ZNF534: variants seen among roughly 807,000 people sequenced by gnomAD.
ZNF534 encodes the protein KRAB domain only 3.
In ZNF534, 19 loss-of-function variants were observed where a neutral mutation model predicts 13.6. The observed-to-expected ratio is 1.40, with a 90% CI of 0.97 to 2.05. The LOEUF is 2.05. ZNF534 is among the 30% of genes most tolerant of loss of function. The probability of loss-of-function intolerance (pLI) is 0.00; values close to 1 mark genes in which losing one functional copy is unlikely to be tolerated. For missense variants in ZNF534, 782 were observed against 796.3 expected (o/e 0.98, Z 0.22); for synonymous variants, 244 against 273.8 (o/e 0.89, Z 1.07).
At chr19:52,451,550 A>G (rs2059216846) in exon 5 of ZNF534, 2 of 603,804 alleles carry the variant, frequency 3.3e-6, no homozygotes, top group Non-Finnish European at 5.9e-6. Flanking sequence ...GGAGGGCGGC[A>G]TGCAGCTCCG....
At chr19:52,431,275 C>T (rs915995474) in intron 1 of ZNF534, 133 bp from the exon 2 acceptor site, 1 of 672,924 alleles carries the variant, frequency 1.5e-6, no homozygotes. Context: ...TGTTGATTTT[C>T]CTGTGGGAGA....
chr19:52,434,048 A>T lies in ZNF534; in HGVS notation c.109A>T (p.Met37Leu). The change falls in exon 3 of 5, where the codon ATG (methionine) becomes TTG (leucine). Residue 37 changes from methionine to leucine, a missense_variant. Physicochemically the swap from Met to Leu is conservative, Grantham distance 15. Around this residue, in one of 5 missense-constraint regions of ZNF534, gnomAD observed 81 missense variants for 63.5 expected, o/e 1.28. Transcript: ENST00000433050. ...PGQKALYRDV[M>L]LENYRNLVSL... ...GCAGAAAGCTTTATACAGGGACGTG[A>T]TGTTAGAGAACTACAGGAACCTGGT... 1 of 1,614,194 alleles carries T rather than the reference A, an allele frequency of 6.2e-7. No homozygotes were observed. The highest frequency in any genetic ancestry group is 8.5e-7 in the Non-Finnish European group (1 of 1,180,032).
rs1433582902 is a variant in ZNF534 at position 52,438,606 on chromosome 19, C to A, written c.1146C>A (p.Tyr382Ter). 1.9e-6 allele frequency: 3 copies of A among 1,589,278 alleles called. No individual in the cohort carries two copies. Among genetic ancestry groups the A allele is most frequent in the Non-Finnish European group, 2.6e-6 (3 of 1,166,508 alleles). ...AAGTTCATACTGGAGAGAAACCTTACAAATGTAATGAGTGTGGCAAGGTCT... is the reference window on the plus strand; with the variant it reads ...AAGTTCATACTGGAGAGAAACCTTAAAAATGTAATGAGTGTGGCAAGGTCT... ...HRKVHTGEKP[Y>*]KCNECGKVFI... is the part of the protein sequence containing the mutation. Residue 382 changes from tyrosine to a stop codon, truncating the protein, a stop_gained, in exon 5 of 5, where the codon TAC becomes TAA. Transcript: ENST00000433050. LOFTEE classifies it low-confidence loss of function (END_TRUNC).
chr19:52,436,104 T>A (rs1028384334), intron 4 of ZNF534, among the ~76,000 whole-genome samples: 1 of 151,272 alleles, frequency 6.6e-6, no homozygotes, highest in Non-Finnish European at 1.5e-5. Context: ...GCCTGGCTAA[T>A]TTTTTTTGTA....
At chr19:52,451,114 A>C (rs894816791) in intron 4 of ZNF534, 10 of 586,644 alleles carry the variant, frequency 1.7e-5, no homozygotes, top group Non-Finnish European at 3.0e-5. Flanking sequence ...CCACCCATAA[A>C]GATGGGTAGC....
chr19:52,449,351 T>G (rs1189788042), intron 4 of ZNF534, among the ~76,000 whole-genome samples: 3 of 69,026 alleles, frequency 4.3e-5, no homozygotes, highest in African/African-American at 1.7e-4. Context: ...ATTTCCATCC[T>G]CATTCTCTCT....
Position 52,441,474 on chromosome 19 carries a change from T to C in ZNF534, c.*2028T>C, listed in dbSNP as rs1237884781. ...AGGCTGCAGTGAGTCATGTTTGCAG[T>C]ACTGCACTCCAGCCTGGGTGACAGA... On this transcript the variant is annotated 3_prime_UTR_variant, in exon 5 of 5. Coordinates refer to ENST00000433050, the MANE Select transcript of ZNF534 (RefSeq NM_001143938.3). Among the ~76,000 whole-genome samples the C allele has an allele frequency of 1.9e-4, 29 of 152,172 alleles. No homozygotes were observed. The highest frequency in any genetic ancestry group is 8.8e-5 in the Non-Finnish European group (6 of 68,032).
chr19:52,451,439 C>A, exon 5 of ZNF534: 1 of 645,352 alleles, frequency 1.5e-6, no homozygotes, highest in East Asian at 2.9e-5. Context: ...AGTGCGGCGC[C>A]GCACGCCCCG....
rs758860769 is a variant in ZNF534, at chr19:52,437,862, T to C, written c.402T>C (p.His134=). The change falls in exon 5 of 5, where the codon CAT becomes CAC. Residue 134 remains histidine, a synonymous_variant. Coordinates refer to ENST00000433050, the MANE Select transcript of ZNF534 (RefSeq NM_001143938.3). ...QAVRNIYGCK[H]VEKSISDNSS... ...TAAGGAATATTTATGGATGTAAGCATGTTGAGAAATCTATCAGTGACAATT... is the reference window on the plus strand; with the variant it reads ...TAAGGAATATTTATGGATGTAAGCACGTTGAGAAATCTATCAGTGACAATT... 6.2e-7 allele frequency: 1 copy of C among 1,613,858 alleles called. No homozygotes were observed. The highest frequency in any genetic ancestry group is 8.5e-7 in the Non-Finnish European group (1 of 1,179,836).
At chr19:52,446,952 A>G (rs1346985191), downstream of ZNF534, among the ~76,000 whole-genome samples, 1 of 152,206 alleles carries the variant, frequency 6.6e-6, no homozygotes, top group East Asian at 1.9e-4. Flanking sequence ...TCTTGAGGAA[A>G]GAATTTGTTT....
chr19:52,452,070 A>AT (rs149737151), exon 5 of ZNF534: 502 of 174,188 alleles, frequency 2.9e-3, no homozygotes, highest in Middle Eastern at 7.7e-3. Context: ...AAAGTACTGC[A>AT]TTTTTTTTTT....
chr19:52,434,182 A>C lies in ZNF534; in HGVS notation c.142+101A>C, dbSNP rs1243359464. ...GGAGCCCCTGCATTGCTTGACTGAGATTGAAACCTGTTGACTAAGAAATGA... is the reference window on the plus strand; with the variant it reads ...GGAGCCCCTGCATTGCTTGACTGAGCTTGAAACCTGTTGACTAAGAAATGA... On this transcript the variant is annotated intron_variant, in intron 3 of 4. Transcript: ENST00000433050. 5.3e-6 allele frequency: 8 copies of C among 1,510,382 alleles called. No homozygotes were observed. In the East Asian group the frequency reaches 1.8e-4, roughly 34 times the overall value. The allele number at this position is 1,510,382 out of a possible 1,614,324, so 93.6% of individuals were successfully genotyped here.
chr19:52,450,731 G>C (rs2122733185), intron 4 of ZNF534, among the ~76,000 whole-genome samples: 1 of 131,214 alleles, frequency 7.6e-6, no homozygotes, highest in East Asian at 2.2e-4. Context: ...CTATTGCCCA[G>C]GTTGGAGTGC....
intron 4 of ZNF534, 30 bp downstream of exon 4, chr19:52,435,239 C>T: frequency 6.4e-7 from 1 of 1,573,398 alleles, no homozygotes; most frequent in Non-Finnish European, 8.6e-7. Context: ...GAGTGGAGGC[C>T]CCATAATTTT....
At chr19:52,451,250 G>A in exon 5 of ZNF534, 1 of 773,778 alleles carries the variant, frequency 1.3e-6, no homozygotes, top group Non-Finnish European at 2.3e-6. Flanking sequence ...GCGTCCGGAG[G>A]TGCTGAGGAG....
chr19:52,431,213 C>T (rs1035716451), intron 1 of ZNF534, among the ~76,000 whole-genome samples, 195 bp from the exon 2 acceptor site: 1 of 151,982 alleles, frequency 6.6e-6, no homozygotes, highest in African/African-American at 2.4e-5. Context: ...GTGTGTGTGT[C>T]GCTCACCATG....
chr19:52,438,811 T>C lies in ZNF534; in HGVS notation c.1351T>C (p.Ser451Pro). Residue 451 changes from serine to proline, a missense_variant, in exon 5 of 5, where the codon TCT becomes CCT. Coordinates refer to ENST00000433050, the MANE Select transcript of ZNF534 (RefSeq NM_001143938.3). Reference protein sequence around the residue: ...IDCGKVFRHKSSLTYHCRIHT... With the variant: ...IDCGKVFRHKPSLTYHCRIHT... ...CTGTGGCAAGGTCTTCAGGCACAAG[T>C]CTTCCCTAACCTATCACTGTAGAAT... 1 of 1,610,944 alleles carries C rather than the reference T, an allele frequency of 6.2e-7. No individual in the cohort carries two copies. The highest frequency in any genetic ancestry group is 1.3e-5 in the African/African-American group (1 of 74,888).
At chr19:52,445,671 G>T (rs1386751134), downstream of ZNF534, among the ~76,000 whole-genome samples, 1 of 152,202 alleles carries the variant, frequency 6.6e-6, no homozygotes, top group African/African-American at 2.4e-5. Flanking sequence ...GGGAGCAAGA[G>T]CAACCAACTT....
intron 4 of ZNF534, among the ~76,000 whole-genome samples, chr19:52,448,084 C>G (rs1477422546): frequency 6.6e-6 from 1 of 151,996 alleles, no homozygotes; most frequent in African/African-American, 2.4e-5. Context: ...GAGTTTGAGA[C>G]TAGTCTGAGC....
Sources: allele counts gnomAD v4.1 joint callset (sites outside exome capture counted in the v4.1 genomes callset), GRCh38; gene constraint gnomAD v4.1.1; regional missense constraint gnomAD v4.1.1; transcripts MANE v1.5; gene names NCBI Gene and HGNC (gene_info 2026-07-23, HGNC 2026-07-21).